The following MMP24 variants were observed in gnomAD, a reference collection of about 807,000 sequenced individuals.
MMP24 encodes the protein matrix metallopeptidase 24, also known as matrix metalloproteinase-24.
A neutral mutation model predicts 62.8 loss-of-function variants in MMP24; 25 were observed. The ratio of observed to expected loss-of-function variants is 0.40; its 90% confidence interval spans 0.29 to 0.56. MMP24 has a LOEUF of 0.56. MMP24 is among the 20% of genes least tolerant of loss of function. The pLI is 0.50. For synonymous variants in MMP24, 319 were observed against 350.5 expected (o/e 0.91, Z 1.00); for missense variants, 634 against 853.6 (o/e 0.74, Z 3.21).
At chr20:35,264,626 T>C (rs1443604618) in intron 5 of MMP24, among the ~76,000 whole-genome samples, 1 of 140,066 alleles carries the variant, frequency 7.1e-6, no homozygotes, top group Non-Finnish European at 1.5e-5. Context: ...GAGAATCACT[T>C]GAACCCAGGA....
intron 1 of MMP24, among the ~76,000 whole-genome samples, chr20:35,240,128 C>T (rs2060482604): frequency 6.6e-6 from 1 of 152,166 alleles, no homozygotes. Context: ...TGCCTCTTGC[C>T]ACCCCCATTG....
chr20:35,232,005 T>A (rs2060440133), intron 1 of MMP24, among the ~76,000 whole-genome samples: 1 of 152,192 alleles, frequency 6.6e-6, no homozygotes, highest in Non-Finnish European at 1.5e-5. Flanking sequence ...ACTGTGCCAC[T>A]TCACTCCAGC....
chr20:35,260,278 C>G (rs369436168), intron 4 of MMP24, among the ~76,000 whole-genome samples: 83 of 152,366 alleles, frequency 5.4e-4, no homozygotes, highest in African/African-American at 1.8e-3. Flanking sequence ...TCGCTCTTCC[C>G]TTCCTTTTGG....
chr20:35,263,967 G>GA lies in MMP24; in HGVS notation c.979+16dup, dbSNP rs769913688. On this transcript the variant is annotated intron_variant, in intron 5 of 8. Transcript: ENST00000246186. ...GAAGATCTATGGTGTGTGGCAGGGA[G>GA]AGGGGGGACTGCTCCTTCCTCGGGG... The GA allele has an allele frequency of 4.4e-6, 7 of 1,587,520 alleles. No homozygotes were observed. The Admixed American group carries it at 8.8e-5, about 20-fold the overall frequency.
Position 35,249,738 on chromosome 20 carries a change from G to A in MMP24, c.396-2167G>A, listed in dbSNP as rs192155118. Reference sequence around the variant, plus strand: ...CAAGTAGCTGGGACTACAGGGGCCCGCCACCACGCCCGGCTAATTTTTTTT... The same window carrying A: ...CAAGTAGCTGGGACTACAGGGGCCCACCACCACGCCCGGCTAATTTTTTTT... On this transcript the variant is annotated intron_variant, in intron 2 of 8. Transcript: ENST00000246186. Among the ~76,000 whole-genome samples, 746 of 151,706 alleles carry A rather than the reference G, an allele frequency of 4.9e-3. 7 individuals are homozygous for A. The highest frequency in any genetic ancestry group is 0.017 in the African/African-American group (717 of 41,380).
chr20:35,275,012 A>C lies in MMP24; in HGVS notation c.*403A>C. ...AAGCCAGCACTAGCTCTCATCCCCC[A>C]TCCGGGAGATACCACCAGTCCTGGT... On this transcript the variant is annotated 3_prime_UTR_variant, in exon 9 of 9. Coordinates refer to ENST00000246186, the MANE Select transcript of MMP24 (RefSeq NM_006690.4). The C allele has an allele frequency of 5.0e-6, 1 of 198,082 alleles. No homozygotes were observed. Among genetic ancestry groups the C allele is most frequent in the East Asian group, 1.4e-4 (1 of 7,382 alleles). 12.3% of individuals were successfully genotyped at this position (198,082 alleles called of 1,614,324 possible). A position where few individuals can be genotyped will look rare whatever the true frequency, so the allele number is the denominator to read the frequency against.
At chr20:35,253,613 C>T (rs191041749) in intron 3 of MMP24, among the ~76,000 whole-genome samples, 13 of 152,108 alleles carry the variant, frequency 8.5e-5, no homozygotes, top group Non-Finnish European at 1.6e-4. Flanking sequence ...CAGGTAGTAA[C>T]GTTGTTTTGT....
intron 1 of MMP24, among the ~76,000 whole-genome samples, chr20:35,241,533 C>G (rs1367644975): frequency 6.6e-6 from 1 of 152,158 alleles, no homozygotes; most frequent in East Asian, 1.9e-4. Context: ...TGATCCATCC[C>G]AGTGTTTAGT....
At chr20:35,249,657 C>T (rs140945205) in intron 2 of MMP24, among the ~76,000 whole-genome samples, 2,578 of 151,280 alleles carry the variant, frequency 0.017, 84 homozygotes, top group African/African-American at 0.059. Flanking sequence ...GGCGGGATCT[C>T]GGCTCACTGC....
At chr20:35,241,219 C>T (rs2060486848) in intron 1 of MMP24, among the ~76,000 whole-genome samples, 1 of 152,148 alleles carries the variant, frequency 6.6e-6, no homozygotes, top group Non-Finnish European at 1.5e-5. Context: ...GTCTGGGTCA[C>T]AGAGAAAGTG....
At chr20:35,258,325 A>G (rs1215849253) in intron 4 of MMP24, among the ~76,000 whole-genome samples, 2 of 152,152 alleles carry the variant, frequency 1.3e-5, no homozygotes, top group Non-Finnish European at 2.9e-5. Flanking sequence ...AAAATCTAAT[A>G]CCCAGTTCGA....
In MMP24 at chr20:35,247,804, T is replaced by C. The variant is rs149895244; in HGVS notation, c.395+816T>C. ...TCTGCTGGGTTTAGTGACAAAGAGC[T>C]TGTTGTTAACCTCAGCAGAATGGTG... is the stretch of plus-strand genomic sequence containing the variant. On this transcript the variant is annotated intron_variant, in intron 2 of 8. Transcript: ENST00000246186. 2.4e-4 allele frequency among the ~76,000 whole-genome samples: 37 copies of C among 152,300 alleles called. No homozygotes were observed. In the East Asian group the frequency reaches 5.6e-3, roughly 23 times the overall value.
chr20:35,244,948 T>TA (rs918450606), intron 1 of MMP24, among the ~76,000 whole-genome samples: 20 of 150,046 alleles, frequency 1.3e-4, no homozygotes, highest in East Asian at 7.8e-4. Context: ...CTTTTTTATT[T>TA]AAAAAAAAAA....
chr20:35,267,440 C>T, intron 6 of MMP24, 21 bp downstream of exon 6: 1 of 1,546,970 alleles, frequency 6.5e-7, no homozygotes, highest in Non-Finnish European at 8.8e-7. Context: ...TGGATTGGCA[C>T]CACCCAGCTG....
chr20:35,263,770 T>C, intron 4 of MMP24, 21 bp from the exon 5 acceptor site: 1 of 1,497,920 alleles, frequency 6.7e-7, no homozygotes, highest in Non-Finnish European at 8.9e-7. Context: ...CCTGGGCACC[T>C]CCCCACACTC....
chr20:35,263,915 G>A lies in MMP24; in HGVS notation c.942G>A (p.Leu314=). 6.2e-7 allele frequency: 1 copy of A among 1,612,294 alleles called. No homozygotes were observed. Residue 314 remains leucine (L), a synonymous_variant, in exon 5 of 9, where the codon CTG becomes CTA. Coordinates refer to ENST00000246186, the MANE Select transcript of MMP24 (RefSeq NM_006690.4). The part of the protein sequence containing the change: ...YQYMETHNFK[L]PQDDLQGIQK... ...ACATGGAGACGCACAACTTCAAGCT[G>A]CCCCAGGACGATCTCCAGGGCATCC...
chr20:35,249,492 A>T (rs1300600339), intron 2 of MMP24, among the ~76,000 whole-genome samples: 1 of 152,248 alleles, frequency 6.6e-6, no homozygotes, highest in African/African-American at 2.4e-5. Context: ...TTTTTCATTC[A>T]ACTAAGTTCC....
intron 1 of MMP24, among the ~76,000 whole-genome samples, chr20:35,245,583 G>C (rs954822979): frequency 6.6e-6 from 1 of 151,772 alleles, no homozygotes; most frequent in Non-Finnish European, 1.5e-5. Context: ...TGAGTAGCTG[G>C]GATTACAGGT....
chr20:35,251,761 G>C, intron 2 of MMP24, 144 bp from the exon 3 acceptor site: 1 of 625,594 alleles, frequency 1.6e-6, no homozygotes, highest in East Asian at 2.7e-5. Flanking sequence ...GTTCTTGTTG[G>C]GGTCCATCCA....
Sources: gnomAD v4.1 joint callset for allele counts (sites outside exome capture counted in the v4.1 genomes callset) on GRCh38, gnomAD v4.1.1 for gene constraint, MANE v1.5 for transcripts, NCBI Gene and HGNC (gene_info 2026-07-23, HGNC 2026-07-21) for gene names.